Variants in SYMPK observed in about 807,000 individuals in gnomAD.
SYMPK encodes symplekin.
In SYMPK, 49 loss-of-function variants were observed where a neutral mutation model predicts 136.4. That is an observed-to-expected ratio of 0.36 (90% CI 0.29 to 0.46). The LOEUF (loss-of-function observed/expected upper bound fraction) is 0.46, where lower values mean the gene tolerates loss of function less well. SYMPK is among the 20% of genes least tolerant of loss of function. SYMPK has a pLI of 1.00. For synonymous variants in SYMPK, 766 were observed against 713.0 expected (o/e 1.07, Z -1.19); for missense variants, 1,365 against 1,690.0 (o/e 0.81, Z 3.37).
At chr19:45,858,495 G>A (rs1302547837) in intron 1 of SYMPK, among the ~76,000 whole-genome samples, 1 of 152,050 alleles carries the variant, frequency 6.6e-6, no homozygotes, top group African/African-American at 2.4e-5. Context: ...TGTCTCTGCA[G>A]TAAGGTCTTC....
At chr19:45,846,479 GAT>G (rs1411829281) in intron 7 of SYMPK, among the ~76,000 whole-genome samples, 1 of 152,124 alleles carries the variant, frequency 6.6e-6, no homozygotes, top group Non-Finnish European at 1.5e-5. Flanking sequence ...TCCTAAATTA[GAT>G]GCCATAATAA....
Position 45,821,326 on chromosome 19 carries a change from A to G in SYMPK, c.2893+58T>C, listed in dbSNP as rs764411617. On this transcript the variant is annotated intron_variant, in intron 22 of 26. Transcript: ENST00000245934. This position sits in a 1 kb window ranked among gnomAD's most constrained non-coding sequence, Gnocchi z 4.4. ...TCCAGTGGGGGCATGTGGGTGACTG[A>G]GGTCCTGCCCTGGCGTCGCAGGGGC... The G allele has an allele frequency of 1.6e-6, 2 of 1,289,000 alleles. No individual in the cohort carries two copies. The highest frequency in any genetic ancestry group is 2.4e-5 in the South Asian group (2 of 84,656). The allele number at this position is 1,289,000 out of a possible 1,614,324, so 79.8% of individuals were successfully genotyped here.
At chr19:45,833,889 C>T (rs1417281713) in intron 11 of SYMPK, among the ~76,000 whole-genome samples, 2 of 152,220 alleles carry the variant, frequency 1.3e-5, no homozygotes, top group African/African-American at 2.4e-5. Context: ...CGGTGGCTCA[C>T]GCCTGTAATC....
Position 45,847,815 on chromosome 19 carries a change from G to A in SYMPK, c.613C>T (p.Arg205Ter), listed in dbSNP as rs897613793. 4 of 1,613,946 alleles carry A rather than the reference G, an allele frequency of 2.5e-6. No homozygotes were observed. The highest frequency in any genetic ancestry group is 2.5e-6 in the Non-Finnish European group (3 of 1,180,022). ...SPRMADSEIP[R>*]RQEHDISLDR... ...AGGCTGATATCATGCTCCTGGCGTC[G>A]GGGTATCTCTGAGTCAGCCATGCGG... Residue 205 changes from arginine (R) to a stop codon, truncating the protein, a stop_gained, in exon 7 of 27, where the codon CGA (arginine) becomes TGA (stop). Coordinates refer to ENST00000245934, the MANE Select transcript of SYMPK (RefSeq NM_004819.3). LOFTEE classifies it high-confidence loss of function.
chr19:45,862,361 C>T (rs899484798), intron 1 of SYMPK: 1 of 152,190 alleles, frequency 6.6e-6, no homozygotes, highest in Admixed American at 6.5e-5. Context: ...CTGATGACTA[C>T]CCTGTTTCCC....
rs548973193 is a variant in SYMPK, at chr19:45,840,677, AC to A, written c.1087+1572del. Among the ~76,000 whole-genome samples, 254 of 151,572 alleles carry A rather than the reference AC, an allele frequency of 1.7e-3. 1 individual carries two copies. Among genetic ancestry groups the A allele is most frequent in the African/African-American group, 5.9e-3 (246 of 41,366 alleles). On this transcript the variant is annotated intron_variant, in intron 9 of 26. Coordinates refer to ENST00000245934, the MANE Select transcript of SYMPK (RefSeq NM_004819.3). ...AAACTCCATCTTTAAAAAAAAAAAA[AC>A]AAACAAATACAAAAATTAGCCCGGT...
At chr19:45,861,152 A>G (rs1019552450) in intron 1 of SYMPK, among the ~76,000 whole-genome samples, 3 of 152,178 alleles carry the variant, frequency 2.0e-5, no homozygotes, top group African/African-American at 7.2e-5. Context: ...ACACCACTGC[A>G]CTCCAGCCTG....
At position 45,853,817 on chromosome 19, in the gene SYMPK, GAA is replaced by G. The variant is rs1291189873; in HGVS notation, c.171+356_171+357del. On this transcript the variant is annotated intron_variant, in intron 3 of 26. Coordinates refer to ENST00000245934, the MANE Select transcript of SYMPK (RefSeq NM_004819.3). ...CTGGGTCATCATTGCCTGGTGACAG[GAA>G]TGTCTGCCCCACTGGACTGGACACT... Among the ~76,000 whole-genome samples, 3 of 152,160 alleles carry G rather than the reference GAA, an allele frequency of 2.0e-5. No homozygotes were observed. The East Asian group carries it at 5.8e-4, about 29-fold the overall frequency.
At chr19:45,854,641 A>G in intron 1 of SYMPK, 134 bp from the exon 2 acceptor site, 2 of 682,734 alleles carry the variant, frequency 2.9e-6, no homozygotes, top group South Asian at 3.4e-5. Context: ...AGGCCTTCTC[A>G]AGTCCCTCTC....
chr19:45,854,895 T>TTTTTTTTTTA, intron 1 of SYMPK: 1 of 200,944 alleles, frequency 5.0e-6, no homozygotes, highest in African/African-American at 2.3e-5. Flanking sequence ...TTTTTTTTTT[T>TTTTTTTTTTA]GAGATGAAGT....
intron 1 of SYMPK, chr19:45,855,351 A>G (rs1357307165): frequency 6.6e-6 from 1 of 152,238 alleles, no homozygotes; most frequent in Non-Finnish European, 1.5e-5. Context: ...GGCATCCATC[A>G]CAGTCACACA....
intron 7 of SYMPK, among the ~76,000 whole-genome samples, chr19:45,846,174 T>C (rs1269377431): frequency 6.6e-6 from 1 of 152,166 alleles, no homozygotes; most frequent in Non-Finnish European, 1.5e-5. Flanking sequence ...AGGCGGAGCA[T>C]GCAGTGAGCC....
Position 45,822,826 on chromosome 19 carries a change from C to T in SYMPK, c.2721G>A (p.Leu907=), listed in dbSNP as rs767531499. The T allele has an allele frequency of 6.8e-6, 11 of 1,613,986 alleles. No homozygotes were observed. The highest frequency in any genetic ancestry group is 9.3e-6 in the Non-Finnish European group (11 of 1,179,936). Residue 907 remains leucine (L), a synonymous_variant, in exon 21 of 27, where the codon CTG becomes CTA. Coordinates refer to ENST00000245934, the MANE Select transcript of SYMPK (RefSeq NM_004819.3). ...TGGGGTTGAGTTTGATGAGTTTAGG[C>T]AGGGCCTGGATCACCTCTTTCTACA... ...GLEKKEVIQA[L]PKLIKLNPIV... is the part of the protein sequence containing the mutation.
At position 45,863,130 on chromosome 19, in the gene SYMPK, C is replaced by G. The variant is rs1261890291; in HGVS notation, c.-85G>C. Reference sequence around the variant, plus strand: ...TCCTACACTCCGCCGCCGCCGCCGCCGCCATCTTCCGTTCGTCGCCGGGAA... The same window carrying G: ...TCCTACACTCCGCCGCCGCCGCCGCGGCCATCTTCCGTTCGTCGCCGGGAA... On this transcript the variant is annotated 5_prime_UTR_variant, in exon 1 of 27. Transcript: ENST00000245934. The G allele has an allele frequency of 1.2e-5, 5 of 405,996 alleles. No homozygotes were observed. Among genetic ancestry groups the G allele is most frequent in the Non-Finnish European group, 2.2e-5 (5 of 230,602 alleles). 25.1% of individuals were successfully genotyped at this position (405,996 alleles called of 1,614,324 possible).
chr19:45,843,269 G>A (rs1405242108), intron 8 of SYMPK, among the ~76,000 whole-genome samples: 4 of 152,158 alleles, frequency 2.6e-5, no homozygotes, highest in African/African-American at 9.7e-5. Context: ...GGGCCAGAGA[G>A]TGAAACTAAA....
In SYMPK at chr19:45,821,369, G is replaced by A. The variant is rs182151976; in HGVS notation, c.2893+15C>T. On this transcript the variant is annotated intron_variant, in intron 22 of 26. Coordinates refer to ENST00000245934, the MANE Select transcript of SYMPK (RefSeq NM_004819.3). This position sits in a 1 kb window ranked among gnomAD's most constrained non-coding sequence, Gnocchi z 4.4. ...GCAGGGGCCAGGCCACTGGAGTGGG[G>A]GGGAAGCGCCTCACCTTTGATGATG... The A allele has an allele frequency of 1.0e-4, 165 of 1,607,688 alleles. No homozygotes were observed. Among genetic ancestry groups the A allele is most frequent in the Non-Finnish European group, 1.2e-4 (145 of 1,174,482 alleles).
chr19:45,823,981 A>C, intron 18 of SYMPK, 106 bp from the exon 19 acceptor site: 1 of 706,978 alleles, frequency 1.4e-6, no homozygotes, highest in Non-Finnish European at 2.4e-6. Flanking sequence ...CCAGGGTGAG[A>C]CTGAGGTGAC....
At chr19:45,854,874 ACTTT>A (rs746760327) in intron 1 of SYMPK, 61 of 173,118 alleles carry the variant, frequency 3.5e-4, no homozygotes, top group Non-Finnish European at 5.1e-4. Flanking sequence ...ACCACAGCAA[ACTTT>A]CTTTTTTTTT....
intron 10 of SYMPK, 119 bp downstream of exon 10, chr19:45,838,342 T>A: frequency 7.9e-7 from 1 of 1,260,920 alleles, no homozygotes; most frequent in Non-Finnish European, 1.1e-6. Context: ...AAACCCCTTT[T>A]CTTTATTAAT....
Sources: gnomAD v4.1 joint callset for allele counts (sites outside exome capture counted in the v4.1 genomes callset) on GRCh38, gnomAD v4.1.1 for gene constraint, Gnocchi (gnomAD v3.1) non-coding constraint, MANE v1.5 for transcripts, NCBI Gene and HGNC (gene_info 2026-07-23, HGNC 2026-07-21) for gene names.